SNTG1: variants seen among roughly 807,000 people sequenced by gnomAD.
The protein encoded by SNTG1 is syntrophin gamma 1.
SNTG1 carries 39 observed loss-of-function variants against 74.7 expected under a neutral mutation model. That is an observed-to-expected ratio of 0.52 (90% CI 0.40 to 0.68). SNTG1 has a LOEUF of 0.68. SNTG1 is among the 30% of genes least tolerant of loss of function. The pLI, the probability that SNTG1 is intolerant of heterozygous loss-of-function variation, is 0.00. For missense variants in SNTG1, 685 were observed against 609.5 expected (o/e 1.12, Z -1.30); for synonymous variants, 254 against 217.1 (o/e 1.17, Z -1.49).
intron 2 of SNTG1, among the ~76,000 whole-genome samples, chr8:50,232,476 C>G (rs2085679547): frequency 6.6e-6 from 1 of 151,356 alleles, no homozygotes; most frequent in Non-Finnish European, 1.5e-5. Flanking sequence ...AAAACTACAG[C>G]TAACTTCATA....
intron 9 of SNTG1, among the ~76,000 whole-genome samples, chr8:50,513,142 C>A (rs1378609034): frequency 2.0e-5 from 3 of 152,252 alleles, no homozygotes; most frequent in South Asian, 2.1e-4. Flanking sequence ...ACAGTCAGAA[C>A]CCTCAGCTGC....
chr8:50,693,256 C>G (rs1220935873), intron 15 of SNTG1, among the ~76,000 whole-genome samples: 2 of 152,162 alleles, frequency 1.3e-5, no homozygotes, highest in Non-Finnish European at 2.9e-5. Context: ...AGGGCACCCA[C>G]TGTCCTGCAC....
At chr8:50,304,711 G>T (rs2089801038) in intron 2 of SNTG1, among the ~76,000 whole-genome samples, 1 of 151,938 alleles carries the variant, frequency 6.6e-6, no homozygotes, top group Non-Finnish European at 1.5e-5. Context: ...TATCTTTATT[G>T]TCTGAGCAGA....
intron 8 of SNTG1, among the ~76,000 whole-genome samples, chr8:50,479,368 T>C (rs371650459): frequency 2.0e-5 from 3 of 152,312 alleles, no homozygotes; most frequent in East Asian, 3.9e-4. Flanking sequence ...CGTTTCTGAC[T>C]GTTTTTAAGC....
At chr8:49,958,661 C>T (rs1218039835) in intron 1 of SNTG1, among the ~76,000 whole-genome samples, 10 of 152,152 alleles carry the variant, frequency 6.6e-5, no homozygotes, top group Non-Finnish European at 1.3e-4. Context: ...CCTCGTGATC[C>T]ACCCGCCTTG....
At chr8:50,787,433 TCAA>T (rs2095678929) in intron 18 of SNTG1, among the ~76,000 whole-genome samples, 1 of 151,900 alleles carries the variant, frequency 6.6e-6, no homozygotes, top group African/African-American at 2.4e-5. Flanking sequence ...AAACAAAAGT[TCAA>T]CATTTTCTGA....
Position 50,671,202 on chromosome 8 carries a change from TTAAAC to T in SNTG1, c.1038+12544_1038+12548del, listed in dbSNP as rs1248726531. Among the ~76,000 whole-genome samples, 3 of 151,986 alleles carry T rather than the reference TTAAAC, an allele frequency of 2.0e-5. No homozygotes were observed. The East Asian group carries it at 5.8e-4, about 29-fold the overall frequency. On this transcript the variant is annotated intron_variant, in intron 15 of 18. Coordinates refer to ENST00000642720, the MANE Select transcript of SNTG1 (RefSeq NM_018967.5). ...GCCAAAATTGACAAATGGGATCTAA[TTAAAC>T]TAAAGAGCTTCTGCACAGCAAAAGA...
At chr8:50,049,576 C>T (rs996774292) in intron 1 of SNTG1, among the ~76,000 whole-genome samples, 26 of 152,014 alleles carry the variant, frequency 1.7e-4, no homozygotes, top group Non-Finnish European at 2.6e-4. Flanking sequence ...CCATCAGAAA[C>T]AGATAGATCC....
Position 50,139,617 on chromosome 8 carries a change from A to G in SNTG1, c.-102-32944A>G, listed in dbSNP as rs963408602. On this transcript the variant is annotated intron_variant, in intron 1 of 18. Coordinates refer to ENST00000642720, the MANE Select transcript of SNTG1 (RefSeq NM_018967.5). ...TGAAAACTTAAAAGACTAGAAAGAC[A>G]CATCATTTGATGTGTTATAGTATGC... Among the ~76,000 whole-genome samples the G allele has an allele frequency of 3.3e-5, 5 of 152,262 alleles. No individual in the cohort carries two copies. The East Asian group carries it at 5.8e-4, about 18-fold the overall frequency.
intron 13 of SNTG1, among the ~76,000 whole-genome samples, chr8:50,595,867 A>G (rs952289223): frequency 6.6e-6 from 1 of 151,936 alleles, no homozygotes; most frequent in Non-Finnish European, 1.5e-5. Context: ...TGTATTGTGT[A>G]TTATCCCATT....
At chr8:50,718,124 T>C (rs150391607) in intron 17 of SNTG1, among the ~76,000 whole-genome samples, 1 of 152,162 alleles carries the variant, frequency 6.6e-6, no homozygotes, top group African/African-American at 2.4e-5. Flanking sequence ...ACTAGATTAA[T>C]GGGCCATTAG....
chr8:50,619,452 C>G (rs1054712744), intron 13 of SNTG1, among the ~76,000 whole-genome samples: 4 of 152,088 alleles, frequency 2.6e-5, no homozygotes, highest in African/African-American at 9.7e-5. Flanking sequence ...CTCACAGGGG[C>G]CGGGCAAGGT....
At chr8:50,172,529 T>A (rs1432793071) in intron 1 of SNTG1, 32 bp from the exon 2 acceptor site, 1 of 152,126 alleles carries the variant, frequency 6.6e-6, no homozygotes, top group Non-Finnish European at 1.5e-5. Flanking sequence ...TGAATGCTCA[T>A]AGGACTTATT....
intron 1 of SNTG1, among the ~76,000 whole-genome samples, chr8:50,142,420 G>A (rs1404635316): frequency 6.6e-6 from 1 of 151,584 alleles, no homozygotes; most frequent in Non-Finnish European, 1.5e-5. Context: ...GAATTTCATA[G>A]CAAACATAAA....
intron 13 of SNTG1, among the ~76,000 whole-genome samples, chr8:50,606,982 T>C (rs1237247888): frequency 6.6e-6 from 1 of 151,920 alleles, no homozygotes; most frequent in African/African-American, 2.4e-5. Context: ...TTTTCTAAAA[T>C]AAGAAAATTT....
chr8:50,027,245 T>A (rs1277154507), intron 1 of SNTG1, among the ~76,000 whole-genome samples: 4 of 152,252 alleles, frequency 2.6e-5, no homozygotes, highest in Non-Finnish European at 5.9e-5. Flanking sequence ...TCTCTATGCC[T>A]CACTGTTTGC....
intron 13 of SNTG1, among the ~76,000 whole-genome samples, chr8:50,594,552 C>A (rs2130893989): frequency 6.6e-6 from 1 of 152,074 alleles, no homozygotes; most frequent in East Asian, 1.9e-4. Context: ...ATTTGACGAA[C>A]CATAATAATT....
At chr8:49,923,399 A>C (rs1806729870) in intron 1 of SNTG1, among the ~76,000 whole-genome samples, 1 of 152,124 alleles carries the variant, frequency 6.6e-6, no homozygotes, top group African/African-American at 2.4e-5. Context: ...TATTTACATT[A>C]TTTTTATAAG....
intron 1 of SNTG1, among the ~76,000 whole-genome samples, chr8:49,941,440 T>C (rs1043615648): frequency 7.4e-5 from 11 of 148,532 alleles, no homozygotes; most frequent in Non-Finnish European, 1.3e-4. Flanking sequence ...TAAACAAATG[T>C]TTATATATTA....
Sources: allele counts gnomAD v4.1 joint callset (sites outside exome capture counted in the v4.1 genomes callset), GRCh38; gene constraint gnomAD v4.1.1; transcripts MANE v1.5; gene names NCBI Gene and HGNC (gene_info 2026-07-23, HGNC 2026-07-21).